CP: variants seen among roughly 807,000 people sequenced by gnomAD.
CP encodes the protein ceruloplasmin.
Under a neutral mutation model 122.4 loss-of-function variants are expected in CP, and 64 were observed. The ratio of observed to expected loss-of-function variants is 0.52; its 90% CI spans 0.43 to 0.64. The LOEUF is 0.64. CP is among the 30% of genes least tolerant of loss of function. The pLI is 0.00. For synonymous variants in CP, 440 were observed against 436.4 expected, an observed-to-expected ratio of 1.01 and a Z score of -0.10; for missense variants, 1,167 against 1,284.4, an observed-to-expected ratio of 0.91 and a Z score of 1.40.
At chr3:149,200,591 C>T (rs910807465) in intron 7 of CP, among the ~76,000 whole-genome samples, 8 of 152,076 alleles carry the variant, frequency 5.3e-5, no homozygotes, top group Non-Finnish European at 8.8e-5. Context: ...CAACCTCTGC[C>T]TCCCAGGTTC....
chr3:149,192,981 TACACAC>T (rs3070607), intron 9 of CP, among the ~76,000 whole-genome samples: 2 of 148,700 alleles, frequency 1.3e-5, no homozygotes, highest in Admixed American at 6.7e-5. Context: ...TGATCCTGTA[TACACAC>T]ACACACACAC....
chr3:149,193,422 A>G (rs1373039662), intron 9 of CP, among the ~76,000 whole-genome samples: 1 of 152,214 alleles, frequency 6.6e-6, no homozygotes, highest in Non-Finnish European at 1.5e-5. Context: ...CATTCAGAAT[A>G]AGGCTGAAGT....
chr3:149,192,803 A>G (rs1185221605), intron 9 of CP, among the ~76,000 whole-genome samples: 1 of 152,166 alleles, frequency 6.6e-6, no homozygotes, highest in Non-Finnish European at 1.5e-5. Context: ...ATTATTAATT[A>G]AACTATAAAT....
intron 1 of CP, among the ~76,000 whole-genome samples, chr3:149,218,838 C>T (rs752123289): frequency 5.3e-5 from 8 of 152,112 alleles, no homozygotes; most frequent in Non-Finnish European, 1.2e-4. Context: ...GTTCATCATC[C>T]CAGACCTTCA....
At chr3:149,191,322 A>G (rs551813162) in intron 9 of CP, among the ~76,000 whole-genome samples, 2 of 137,288 alleles carry the variant, frequency 1.5e-5, no homozygotes, top group East Asian at 4.2e-4. Context: ...GCTTATCTTC[A>G]TCTCCTTTCC....
chr3:149,220,272 TC>T (rs1306362369), intron 1 of CP, among the ~76,000 whole-genome samples: 1 of 152,184 alleles, frequency 6.6e-6, no homozygotes, highest in Non-Finnish European at 1.5e-5. Flanking sequence ...TGATTTTTGA[TC>T]ACGAACAATG....
At chr3:149,210,117 C>G (rs888194029) in intron 3 of CP, 50 bp downstream of exon 3, 8 of 1,559,714 alleles carry the variant, frequency 5.1e-6, no homozygotes, top group Non-Finnish European at 7.1e-6. Context: ...ACAAACTGCC[C>G]TGCCCCTGTC....
At chr3:149,175,233 C>G (rs565468898) in intron 18 of CP, among the ~76,000 whole-genome samples, 1 of 152,212 alleles carries the variant, frequency 6.6e-6, no homozygotes. Flanking sequence ...ATATTTGGCT[C>G]TCTTCACTTT....
In CP at chr3:149,163,354, CTCTT is replaced by C. The variant is rs549206248; in HGVS notation, c.*14-483_*14-480del. ...TGGCACTTGAGGCAGCCAGTAACAACTCTTTCTACCCTTCTTGCTACCGTTCTTG... is the reference window on the plus strand; with the variant it reads ...TGGCACTTGAGGCAGCCAGTAACAACTCTACCCTTCTTGCTACCGTTCTTG... On this transcript the variant is annotated intron_variant, in intron 5 of 5. Coordinates refer to the CP transcript ENST00000479771. 1.9e-3 allele frequency among the ~76,000 whole-genome samples: 288 copies of C among 152,278 alleles called. 3 individuals are homozygous for C. The highest frequency in any genetic ancestry group is 6.3e-3 in the African/African-American group (261 of 41,552).
intron 18 of CP, among the ~76,000 whole-genome samples, chr3:149,173,945 A>C (rs936551065): frequency 1.3e-5 from 2 of 152,184 alleles, no homozygotes; most frequent in Non-Finnish European, 2.9e-5. Context: ...ATTAATTGTA[A>C]AGGGAAAATG....
chr3:149,162,960 T>C, intron 5 of CP: 1 of 1,180,024 alleles, frequency 8.5e-7, no homozygotes, highest in Non-Finnish European at 1.3e-6. Flanking sequence ...TAACTTATTA[T>C]AAAATCTAAC....
chr3:149,168,121 C>T (rs1724615927), downstream of CP: 4 of 650,854 alleles, frequency 6.1e-6, no homozygotes, highest in Non-Finnish European at 1.1e-5. Context: ...TTATTTTCAG[C>T]ATTCACGTAC....
chr3:149,196,493 G>A (rs544990136), intron 9 of CP, among the ~76,000 whole-genome samples: 1 of 152,086 alleles, frequency 6.6e-6, no homozygotes, highest in African/African-American at 2.4e-5. Context: ...CAAAAAACAG[G>A]CTTTTGGGAA....
Position 149,178,468 on chromosome 3 carries a change from G to C in CP, c.2825C>G (p.Pro942Arg), listed in dbSNP as rs1559935401. Residue 942 changes from proline (P) to arginine (R), a missense_variant, in exon 16 of 19, where the codon CCC (proline) becomes CGC (arginine). Coordinates refer to ENST00000264613, the MANE Select transcript of CP (RefSeq NM_000096.4). ...DDNIKTYSDHPEKVNKDDEEF... is the reference protein window; with the variant it reads ...DDNIKTYSDHREKVNKDDEEF... The stretch of plus-strand genomic sequence containing the variant: ...CTCATCATCTTTGTTTACTTTCTCG[G>C]GGTGATCAGAGTATGTTTTGATGTT... 6.2e-7 allele frequency: 1 copy of C among 1,613,238 alleles called. No individual in the cohort carries two copies. Among genetic ancestry groups the C allele is most frequent in the South Asian group, 1.1e-5 (1 of 91,020 alleles).
rs1727944083 is a variant in CP, at chr3:149,209,230, C to T, written c.762G>A (p.Gln254=). The change falls in exon 4 of 19, where the codon CAG becomes CAA. Residue 254 remains glutamine, a synonymous_variant. Coordinates refer to ENST00000264613, the MANE Select transcript of CP (RefSeq NM_000096.4). ...EKVDKDNEDF[Q]ESNRMYSVNG... is the part of the protein sequence containing the mutation. ...TCTTACAATACATTCTGTTACTCTC[C>T]TGGAAGTCTTCGTTGTCTTTGTCAA... The T allele has an allele frequency of 6.2e-7, 1 of 1,613,762 alleles. No individual in the cohort carries two copies. Among genetic ancestry groups the T allele is most frequent in the Non-Finnish European group, 8.5e-7 (1 of 1,179,736 alleles).
At chr3:149,180,422 T>C (rs2108222251) in intron 14 of CP, among the ~76,000 whole-genome samples, 1 of 152,300 alleles carries the variant, frequency 6.6e-6, no homozygotes, top group East Asian at 1.9e-4. Flanking sequence ...TGATCTGCGT[T>C]TCCATTCACC....
At chr3:149,168,062 A>G (rs559215939), downstream of CP, 30 of 902,172 alleles carry the variant, frequency 3.3e-5, no homozygotes, top group East Asian at 1.5e-4. Flanking sequence ...AAGTATTTTC[A>G]TGTGATTCTC....
chr3:149,181,889 C>T, intron 14 of CP, 116 bp downstream of exon 14: 1 of 1,213,184 alleles, frequency 8.2e-7, no homozygotes, highest in Non-Finnish European at 1.2e-6. Context: ...ATCCCCTCTT[C>T]ACAACTACCT....
chr3:149,197,576 A>C (rs1001898893), intron 9 of CP, among the ~76,000 whole-genome samples: 2 of 152,192 alleles, frequency 1.3e-5, no homozygotes, highest in Non-Finnish European at 2.9e-5. Context: ...AGGAAATAAA[A>C]GCAGAGAGAA....
Sources: allele counts gnomAD v4.1 joint callset (sites outside exome capture counted in the v4.1 genomes callset), GRCh38; gene constraint gnomAD v4.1.1; transcripts MANE v1.5; gene names NCBI Gene and HGNC (gene_info 2026-07-23, HGNC 2026-07-21).